The following PPM1H variants were observed in gnomAD, a reference collection of about 807,000 sequenced individuals.
PPM1H encodes the protein protein phosphatase, Mg2+/Mn2+ dependent 1H, also known as protein phosphatase 1H.
PPM1H carries 27 observed loss-of-function variants against 54.9 expected under a neutral mutation model. That is an observed-to-expected ratio of 0.49 (90% CI 0.36 to 0.68). PPM1H has a LOEUF of 0.68. PPM1H is among the 30% of genes least tolerant of loss of function. PPM1H has a pLI of 0.00. For missense variants in PPM1H, 596 were observed against 667.8 expected, an observed-to-expected ratio of 0.89 and a Z score of 1.19; for synonymous variants, 305 against 270.8, an observed-to-expected ratio of 1.13 and a Z score of -1.24.
intron 9 of PPM1H, among the ~76,000 whole-genome samples, chr12:62,656,302 T>C (rs765383830): frequency 2.0e-5 from 3 of 152,144 alleles, no homozygotes; most frequent in Non-Finnish European, 4.4e-5. Context: ...TACTCAATAA[T>C]AGTGCAGACC....
intron 8 of PPM1H, among the ~76,000 whole-genome samples, chr12:62,668,511 G>A (rs893237932): frequency 6.6e-6 from 1 of 152,170 alleles, no homozygotes; most frequent in African/African-American, 2.4e-5. Flanking sequence ...AAGTAGCTGG[G>A]ATTACAGGTG....
chr12:62,836,061 A>T (rs1868494541), intron 1 of PPM1H, among the ~76,000 whole-genome samples: 1 of 152,212 alleles, frequency 6.6e-6, no homozygotes, highest in Non-Finnish European at 1.5e-5. Context: ...CTCCAGCGTA[A>T]AGTCAGTACC....
intron 4 of PPM1H, among the ~76,000 whole-genome samples, chr12:62,748,173 G>T (rs1001026534): frequency 3.3e-5 from 5 of 151,974 alleles, no homozygotes; most frequent in African/African-American, 1.2e-4. Flanking sequence ...AACCCGGGAG[G>T]CGGAGCTTGC....
intron 1 of PPM1H, among the ~76,000 whole-genome samples, chr12:62,904,172 C>CA (rs928044099): frequency 6.6e-6 from 1 of 151,768 alleles, no homozygotes; most frequent in Non-Finnish European, 1.5e-5. Context: ...AGCATTAAAA[C>CA]AAAAAAGTAA....
chr12:62,691,832 T>G, intron 7 of PPM1H, among the ~76,000 whole-genome samples: 1 of 146,016 alleles, frequency 6.8e-6, no homozygotes, highest in Non-Finnish European at 1.5e-5. Flanking sequence ...AAAAAAGTGA[T>G]GCAAAGCAAA....
chr12:62,683,151 C>T (rs1394578043), intron 8 of PPM1H, among the ~76,000 whole-genome samples: 1 of 151,070 alleles, frequency 6.6e-6, no homozygotes, highest in African/African-American at 2.4e-5. Context: ...TTCAAATGAT[C>T]TTCTCGCCTT....
intron 8 of PPM1H, among the ~76,000 whole-genome samples, chr12:62,668,037 C>A (rs1411020925): frequency 6.6e-6 from 1 of 152,180 alleles, no homozygotes; most frequent in African/African-American, 2.4e-5. Flanking sequence ...CAAAGTATGT[C>A]TTTGTCTTGA....
At chr12:62,908,095 G>C (rs115568753) in intron 1 of PPM1H, among the ~76,000 whole-genome samples, 13 of 152,138 alleles carry the variant, frequency 8.5e-5, no homozygotes, top group Admixed American at 2.0e-4. Context: ...AATCAAAATC[G>C]TGCATGCATG....
chr12:62,921,404 A>T (rs932065935), intron 1 of PPM1H, among the ~76,000 whole-genome samples: 3 of 152,148 alleles, frequency 2.0e-5, no homozygotes, highest in African/African-American at 7.2e-5. Context: ...CAGCTGGGCA[A>T]GTAATTGATC....
At chr12:62,658,038 GTCATT>G (rs1459462522) in intron 9 of PPM1H, among the ~76,000 whole-genome samples, 1 of 125,564 alleles carries the variant, frequency 8.0e-6, no homozygotes, top group East Asian at 2.3e-4. Flanking sequence ...GAGACAGAGG[GTCATT>G]AAATCCAGGT....
chr12:62,851,264 G>A (rs1869176344), intron 1 of PPM1H, among the ~76,000 whole-genome samples: 3 of 152,200 alleles, frequency 2.0e-5, no homozygotes, highest in South Asian at 2.1e-4. Flanking sequence ...AAGATAATAG[G>A]GCATTTCAGA....
chr12:62,813,441 T>C (rs2076847430), intron 2 of PPM1H, among the ~76,000 whole-genome samples: 1 of 152,216 alleles, frequency 6.6e-6, no homozygotes, highest in Non-Finnish European at 1.5e-5. Flanking sequence ...AAGTCAATCC[T>C]CCGCGTGCAT....
At position 62,746,880 on chromosome 12, in the gene PPM1H, G is replaced by C. The variant is rs1014647161; in HGVS notation, c.870-9294C>G. Among the ~76,000 whole-genome samples, 18 of 152,360 alleles carry C rather than the reference G, an allele frequency of 1.2e-4. No individual in the cohort carries two copies. In the East Asian group the frequency reaches 3.1e-3, roughly 26 times the overall value. On this transcript the variant is annotated intron_variant, in intron 4 of 9. Transcript: ENST00000228705. Reference sequence around the variant, plus strand: ...AATCACATTGCCTCAGTACACTGCAGAGCTACTGTGTCACTGGCTACAGCT... The same window carrying C: ...AATCACATTGCCTCAGTACACTGCACAGCTACTGTGTCACTGGCTACAGCT...
chr12:62,817,493 A>G (rs1444355141), intron 2 of PPM1H, among the ~76,000 whole-genome samples: 3 of 151,930 alleles, frequency 2.0e-5, no homozygotes, highest in Admixed American at 2.0e-4. Flanking sequence ...CAAAAAAAAA[A>G]CTAAGAAGAA....
At chr12:62,662,787 A>C (rs1248192121) in intron 9 of PPM1H, among the ~76,000 whole-genome samples, 1 of 152,170 alleles carries the variant, frequency 6.6e-6, no homozygotes, top group African/African-American at 2.4e-5. Context: ...GAAGGAACAG[A>C]ATATTATCAG....
intron 1 of PPM1H, among the ~76,000 whole-genome samples, chr12:62,871,701 A>T (rs1446066298): frequency 6.6e-6 from 1 of 151,858 alleles, no homozygotes; most frequent in East Asian, 1.9e-4. Context: ...TTTTTGGTAG[A>T]GACAGGGTTT....
At chr12:62,884,153 T>C (rs891702718) in intron 1 of PPM1H, among the ~76,000 whole-genome samples, 13 of 152,060 alleles carry the variant, frequency 8.5e-5, no homozygotes, top group Non-Finnish European at 1.9e-4. Flanking sequence ...TGAAATCTCT[T>C]ACAGATACTG....
chr12:62,871,776 A>G (rs570230), intron 1 of PPM1H, among the ~76,000 whole-genome samples: 41,915 of 151,962 alleles, frequency 0.28, 8,654 homozygotes, highest in African/African-American at 0.59. Flanking sequence ...TTGGCCTCCC[A>G]AAGTGCTGAG....
At chr12:62,668,168 C>G (rs949958828) in intron 8 of PPM1H, among the ~76,000 whole-genome samples, 7 of 152,162 alleles carry the variant, frequency 4.6e-5, no homozygotes, top group African/African-American at 1.7e-4. Context: ...AAAATCAAGC[C>G]TCTCTTGGGC....
Sources: allele counts gnomAD v4.1 joint callset (sites outside exome capture counted in the v4.1 genomes callset), GRCh38; gene constraint gnomAD v4.1.1; transcripts MANE v1.5; gene names NCBI Gene and HGNC (gene_info 2026-07-23, HGNC 2026-07-21).